Variants in DCTN4 observed in about 807,000 individuals in gnomAD.
The protein encoded by DCTN4 is dynactin subunit 4.
A neutral mutation model predicts 62.7 loss-of-function variants in DCTN4; 23 were observed. The ratio of observed to expected loss-of-function variants is 0.37; its 90% CI spans 0.26 to 0.52. The LOEUF (loss-of-function observed/expected upper bound fraction) is 0.52, where lower values mean the gene tolerates loss of function less well. Among genes scored for constraint, DCTN4 ranks in the 20% least tolerant of loss-of-function variants. The pLI, the probability that DCTN4 is intolerant of heterozygous loss-of-function variation, is 0.92. For missense variants in DCTN4, 514 were observed against 580.4 expected, an observed-to-expected ratio of 0.89 and a Z score of 1.18; for synonymous variants, 199 against 202.1, an observed-to-expected ratio of 0.98 and a Z score of 0.13.
At chr5:150,737,095 T>C (rs771682698) in intron 4 of DCTN4, among the ~76,000 whole-genome samples, 1 of 152,088 alleles carries the variant, frequency 6.6e-6, no homozygotes, top group Non-Finnish European at 1.5e-5. Flanking sequence ...CACCTAACAC[T>C]GGAGCTCCAA....
At chr5:150,726,160 ACTGT>A (rs1304215985) in intron 8 of DCTN4, among the ~76,000 whole-genome samples, 12 of 152,224 alleles carry the variant, frequency 7.9e-5, no homozygotes, top group African/African-American at 2.7e-4. Context: ...GTTTGAAATA[ACTGT>A]CTAATTTTGA....
chr5:150,757,530 TA>T (rs1333919273), intron 1 of DCTN4, among the ~76,000 whole-genome samples: 1 of 152,076 alleles, frequency 6.6e-6, no homozygotes, highest in African/African-American at 2.4e-5. Context: ...AAGAGAGTCT[TA>T]GAGACAGATC....
chr5:150,731,416 G>A lies in DCTN4; in HGVS notation c.611C>T (p.Ser204Phe), dbSNP rs772637602. 7 of 1,613,372 alleles carry A rather than the reference G, an allele frequency of 4.3e-6. No individual in the cohort carries two copies. Among genetic ancestry groups the A allele is most frequent in the Non-Finnish European group, 5.9e-6 (7 of 1,179,734 alleles). Residue 204 changes from serine to phenylalanine, a missense_variant and splice_region_variant, in exon 6 of 13, where the codon TCC becomes TTC. Ser to Phe is a radical substitution (Grantham distance 155). Coordinates refer to ENST00000447998, the MANE Select transcript of DCTN4 (RefSeq NM_016221.4). The stretch of plus-strand genomic sequence containing the variant: ...AAAGTCATTTCATGTCTAAACTTAC[G>A]AAAGTCCGGCAAGGGTACTGATGGA... Reference protein sequence around the residue: ...GASISTLAGLSLKEGEDQKEI... With the variant: ...GASISTLAGLFLKEGEDQKEI...
At chr5:150,718,533 G>A in intron 10 of DCTN4, 150 bp from the exon 11 acceptor site, 1 of 605,780 alleles carries the variant, frequency 1.7e-6, no homozygotes, top group South Asian at 2.0e-5. Context: ...TGTGCTTACT[G>A]ATCCCTGTTC....
chr5:150,727,775 C>CAAAAAAAAAAAA (rs11292193), intron 8 of DCTN4, among the ~76,000 whole-genome samples: 1 of 82,412 alleles, frequency 1.2e-5, no homozygotes, highest in Non-Finnish European at 2.1e-5. Context: ...GACTCCGTCT[C>CAAAAAAAAAAAA]AAAAAAAAAA....
At chr5:150,725,894 A>G (rs1760126784) in intron 8 of DCTN4, among the ~76,000 whole-genome samples, 1 of 152,164 alleles carries the variant, frequency 6.6e-6, no homozygotes, top group Non-Finnish European at 1.5e-5. Context: ...TTGTTATTTA[A>G]AACAAACCTG....
intron 5 of DCTN4, chr5:150,732,044 T>C (rs1342345416): frequency 1.3e-6 from 1 of 778,106 alleles, no homozygotes; most frequent in Non-Finnish European, 2.2e-6. Context: ...TACCTCTAAA[T>C]ATAACACACA....
intron 4 of DCTN4, among the ~76,000 whole-genome samples, chr5:150,738,305 A>G (rs1053815196): frequency 2.6e-5 from 4 of 152,234 alleles, no homozygotes; most frequent in African/African-American, 9.6e-5. Context: ...AGGAAGGGAC[A>G]CAACAAAACA....
At position 150,729,333 on chromosome 5, in the gene DCTN4, C is replaced by T. The variant is rs62380606; in HGVS notation, c.834+1298G>A. Among the ~76,000 whole-genome samples, 636 of 152,078 alleles carry T rather than the reference C, an allele frequency of 4.2e-3. 5 individuals are homozygous for T. Among genetic ancestry groups the T allele is most frequent in the Admixed American group, 0.012 (188 of 15,260 alleles). On this transcript the variant is annotated intron_variant, in intron 8 of 12. Transcript: ENST00000447998. ...CTAGGTACCCATCACCCAACTTCAACGATTATCAACTTCGGAATATATATG... is the reference window on the plus strand; with the variant it reads ...CTAGGTACCCATCACCCAACTTCAATGATTATCAACTTCGGAATATATATG...
At chr5:150,722,800 AT>A (rs57924121) in intron 9 of DCTN4, 106 bp downstream of exon 9, 82,013 of 545,500 alleles carry the variant, frequency 0.15, 32 homozygotes, top group South Asian at 0.18. Context: ...TTTTGATGTA[AT>A]TTTTTTTTTT....
rs563618527 is a variant in DCTN4 at position 150,749,986 on chromosome 5, A to C, written c.385+3493T>G. On this transcript the variant is annotated intron_variant, in intron 3 of 12. Coordinates refer to ENST00000447998, the MANE Select transcript of DCTN4 (RefSeq NM_016221.4). ...AAAGAAGACAGACAGGAAAGACTGT[A>C]ATGTAAGACTCCAATTACATACACT... Among the ~76,000 whole-genome samples the C allele has an allele frequency of 9.8e-5, 15 of 152,338 alleles. No homozygotes were observed. The South Asian group carries it at 3.1e-3, about 32-fold the overall frequency.
chr5:150,736,760 C>T (rs1304693602), intron 4 of DCTN4, among the ~76,000 whole-genome samples: 1 of 152,068 alleles, frequency 6.6e-6, no homozygotes, highest in African/African-American at 2.4e-5. Context: ...TAGTACCTCA[C>T]ATCTCAATAC....
chr5:150,731,387 C>T (rs1760362337), intron 6 of DCTN4, 29 bp downstream of exon 6: 2 of 1,586,172 alleles, frequency 1.3e-6, no homozygotes, highest in Non-Finnish European at 1.7e-6. Flanking sequence ...CTGCTGTTCT[C>T]CTCAAAGTCA....
At chr5:150,753,228 T>C (rs529617376) in intron 3 of DCTN4, among the ~76,000 whole-genome samples, 1 of 152,354 alleles carries the variant, frequency 6.6e-6, no homozygotes, top group East Asian at 1.9e-4. Flanking sequence ...AGAGCATTAA[T>C]ATTTTGATTC....
intron 1 of DCTN4, 165 bp downstream of exon 1, chr5:150,758,694 C>T (rs976138303): frequency 7.6e-7 from 1 of 1,323,318 alleles, no homozygotes; most frequent in Non-Finnish European, 1.0e-6. Flanking sequence ...TCCTCCTTTC[C>T]AAGTGACAGA....
chr5:150,746,414 G>A (rs1760964720), intron 3 of DCTN4, among the ~76,000 whole-genome samples: 2 of 151,986 alleles, frequency 1.3e-5, no homozygotes, highest in East Asian at 3.9e-4. Flanking sequence ...TAGAAAAAGA[G>A]GGAATCCTCC....
In DCTN4 at chr5:150,745,435, C is replaced by G. The variant is rs12386497; in HGVS notation, c.386-3278G>C. ...GGAATTGAACTCAGCTCTGCACCAACCAGACCTTATAGACATCTACAGAAC... is the reference window on the plus strand; with the variant it reads ...GGAATTGAACTCAGCTCTGCACCAAGCAGACCTTATAGACATCTACAGAAC... On this transcript the variant is annotated intron_variant, in intron 3 of 12. Transcript: ENST00000447998. Among the ~76,000 whole-genome samples the G allele has an allele frequency of 5.9e-5, 9 of 152,094 alleles. 1 individual carries two copies. In the South Asian group the frequency reaches 1.3e-3, roughly 21 times the overall value.
chr5:150,749,193 T>C (rs903233875), intron 3 of DCTN4, among the ~76,000 whole-genome samples: 2 of 152,066 alleles, frequency 1.3e-5, no homozygotes, highest in Admixed American at 6.5e-5. Flanking sequence ...GGAGTAAATA[T>C]TTGCAAAACA....
rs184437773 is a variant in DCTN4 at position 150,734,961 on chromosome 5, G to A, written c.430-1486C>T. Among the ~76,000 whole-genome samples the A allele has an allele frequency of 1.2e-4, 19 of 152,312 alleles. No individual in the cohort carries two copies. In the East Asian group the frequency reaches 2.1e-3, roughly 17 times the overall value. On this transcript the variant is annotated intron_variant, in intron 4 of 12. Coordinates refer to ENST00000447998, the MANE Select transcript of DCTN4 (RefSeq NM_016221.4). ...CCATTGGCCTGAGAACCACACAACT[G>A]TCCTTCACAGCAGCTGCAGCAAACC...
Sources: gnomAD v4.1 joint callset for allele counts (sites outside exome capture counted in the v4.1 genomes callset) on GRCh38, gnomAD v4.1.1 for gene constraint, MANE v1.5 for transcripts, NCBI Gene and HGNC (gene_info 2026-07-23, HGNC 2026-07-21) for gene names.